Variants in KLHL8 observed in about 807,000 individuals in gnomAD.
KLHL8 encodes kelch like family member 8, also known as kelch-like protein 8.
Under a neutral mutation model 63.5 loss-of-function variants are expected in KLHL8, and 38 were observed. The ratio of observed to expected loss-of-function variants is 0.60; its 90% CI spans 0.46 to 0.78. The LOEUF (loss-of-function observed/expected upper bound fraction) is 0.78. Among genes scored for constraint, KLHL8 ranks in the 30% least tolerant of loss-of-function variants. The pLI is 0.00. For missense variants in KLHL8, 566 were observed against 752.4 expected (o/e 0.75, Z 2.90); for synonymous variants, 224 against 254.3 (o/e 0.88, Z 1.13).
At chr4:87,206,478 TATTAA>T (rs1434359382) in intron 1 of KLHL8, among the ~76,000 whole-genome samples, 3 of 152,186 alleles carry the variant, frequency 2.0e-5, no homozygotes, top group Non-Finnish European at 4.4e-5. Flanking sequence ...AAAAACTACT[TATTAA>T]ACCACTGTGC....
At chr4:87,201,253 A>G (rs1731907398) in intron 1 of KLHL8, among the ~76,000 whole-genome samples, 1 of 152,334 alleles carries the variant, frequency 6.6e-6, no homozygotes, top group Non-Finnish European at 1.5e-5. Flanking sequence ...TTAAGATGGT[A>G]AATTTTATGT....
At chr4:87,194,951 T>C (rs893461797) in intron 2 of KLHL8, among the ~76,000 whole-genome samples, 6 of 152,202 alleles carry the variant, frequency 3.9e-5, no homozygotes, top group African/African-American at 1.4e-4. Flanking sequence ...ACTTCTAACT[T>C]ACTTCTGTAT....
intron 6 of KLHL8, among the ~76,000 whole-genome samples, chr4:87,171,000 T>C (rs1730613429): frequency 6.6e-6 from 1 of 152,220 alleles, no homozygotes; most frequent in Non-Finnish European, 1.5e-5. Context: ...CCAATCTCAC[T>C]TACAAATCCA....
rs146928184 is a variant in KLHL8, at chr4:87,187,155, T to C, written c.217-1356A>G. On this transcript the variant is annotated intron_variant, in intron 2 of 9. Coordinates refer to ENST00000273963, the MANE Select transcript of KLHL8 (RefSeq NM_020803.5). The stretch of plus-strand genomic sequence containing the variant: ...AGAGATGCTGCTTCAAAGGATACAA[T>C]GTGAATATGTGAATACATAATGTCA... Among the ~76,000 whole-genome samples, 401 of 152,280 alleles carry C rather than the reference T, an allele frequency of 2.6e-3. 2 individuals carry two copies. Among genetic ancestry groups the C allele is most frequent in the African/African-American group, 9.3e-3 (385 of 41,558 alleles).
In KLHL8 at chr4:87,163,360, G is replaced by A. The variant is rs1730249780; in HGVS notation, c.*159C>T. ...TAACTCTATTACTAATAATTCTTCA[G>A]GTATCATTCCAAAAGTTGTACTTAG... On this transcript the variant is annotated 3_prime_UTR_variant, in exon 10 of 10. Transcript: ENST00000273963. 1.7e-6 allele frequency: 1 copy of A among 595,430 alleles called. No homozygotes were observed. Among genetic ancestry groups the A allele is most frequent in the African/African-American group, 1.9e-5 (1 of 53,066 alleles). The allele number at this position is 595,430 out of a possible 1,614,324, so 36.9% of individuals were successfully genotyped here. A position where few individuals can be genotyped will look rare whatever the true frequency, so the allele number is the denominator to read the frequency against.
intron 1 of KLHL8, among the ~76,000 whole-genome samples, chr4:87,205,856 T>C (rs747867559): frequency 3.9e-5 from 6 of 152,194 alleles, no homozygotes; most frequent in African/African-American, 4.8e-5. Context: ...CCCAAGTAAG[T>C]GGTGGAGCCA....
rs367698400 is a variant in KLHL8 at position 87,164,104 on chromosome 4, C to T, written c.1538-25G>A. ...CCTATGTAAAGAAATATTTTAAAAA[C>T]AGCATTACATTCCTTAGAAATTAAC... is the stretch of plus-strand genomic sequence containing the variant. On this transcript the variant is annotated intron_variant, in intron 8 of 9. Transcript: ENST00000273963. 6 of 1,567,196 alleles carry T rather than the reference C, an allele frequency of 3.8e-6. No individual in the cohort carries two copies. In the African/African-American group the frequency reaches 6.8e-5, roughly 18 times the overall value.
intron 4 of KLHL8, among the ~76,000 whole-genome samples, chr4:87,182,335 G>A (rs552799438): frequency 1.1e-4 from 16 of 151,818 alleles, no homozygotes; most frequent in African/African-American, 3.9e-4. Flanking sequence ...CTTCTTCATA[G>A]GTAGGTGTAT....
intron 8 of KLHL8, among the ~76,000 whole-genome samples, chr4:87,168,761 T>TGTATATATATGTGTATATATATAC (rs1331088009): frequency 3.0e-4 from 43 of 143,334 alleles, no homozygotes; most frequent in South Asian, 2.2e-3. Context: ...TATATGTGTG[T>TGTATATATATGTGTATATATATAC]GTATATATAT....
intron 2 of KLHL8, among the ~76,000 whole-genome samples, chr4:87,193,703 TTTG>T (rs1424931540): frequency 2.0e-5 from 3 of 152,188 alleles, no homozygotes; most frequent in African/African-American, 7.2e-5. Context: ...ATGAGGTAAG[TTTG>T]TTTACACCAG....
intron 8 of KLHL8, 38 bp downstream of exon 8, chr4:87,170,041 T>C (rs751987906): frequency 6.6e-7 from 1 of 1,520,046 alleles, no homozygotes; most frequent in South Asian, 1.1e-5. Flanking sequence ...CTTGTCATTG[T>C]ATATACTGAT....
rs1384347559 is a variant in KLHL8 at position 87,163,979 on chromosome 4, T to A, written c.1638A>T (p.Gly546=). The change falls in exon 9 of 10, where the codon GGA becomes GGT. Residue 546 remains glycine (G), a synonymous_variant. Coordinates refer to ENST00000273963, the MANE Select transcript of KLHL8 (RefSeq NM_020803.5). ...YVAALTTPRG[G]VGIATVMGKI... The stretch of plus-strand genomic sequence containing the variant: ...TGCCCATCACTGTTGCGATTCCCAC[T>A]CCACCTCTGGGAGTAGTAAGTGCTG... 8.1e-6 allele frequency: 13 copies of A among 1,614,032 alleles called. No individual in the cohort carries two copies. The highest frequency in any genetic ancestry group is 1.1e-5 in the Non-Finnish European group (13 of 1,180,002).
intron 6 of KLHL8, among the ~76,000 whole-genome samples, chr4:87,175,273 G>A (rs1415723410): frequency 4.6e-5 from 7 of 152,086 alleles, no homozygotes; most frequent in African/African-American, 1.7e-4. Flanking sequence ...CTATAGATAC[G>A]GAGAGATCAG....
At position 87,165,420 on chromosome 4, in the gene KLHL8, G is replaced by C. The variant is rs150977360; in HGVS notation, c.1538-1341C>G. Among the ~76,000 whole-genome samples the C allele has an allele frequency of 4.6e-5, 7 of 152,128 alleles. 1 individual carries two copies. Among genetic ancestry groups the C allele is most frequent in the African/African-American group, 1.7e-4 (7 of 41,500 alleles). ...TTTTGTTTTGTTTTGTTTTGAGACA[G>C]GGTCTGACTGTTGCCCAGACTGAAG... On this transcript the variant is annotated intron_variant, in intron 8 of 9. Transcript: ENST00000273963.
At chr4:87,236,663 CTTTTTTTTTTT>C (rs34454982) in intron 1 of KLHL8, among the ~76,000 whole-genome samples, 9 of 110,422 alleles carry the variant, frequency 8.2e-5, no homozygotes, top group African/African-American at 2.9e-4. Flanking sequence ...TGTACTGTGT[CTTTTTTTTTTT>C]TTTTTTTTTA....
rs775269491 is a variant in KLHL8 at position 87,183,385 on chromosome 4, C to T, written c.770G>A (p.Arg257His). Reference protein sequence around the residue: ...KWLDETLAQVRLPLLPVDFLM... With the variant: ...KWLDETLAQVHLPLLPVDFLM... ...AAAATCAACCGGCAACAATGGCAGG[C>T]GAACCTAAGATCATGAATAGTTGCA... The change falls in exon 4 of 10, where the codon CGC becomes CAC. Residue 257 changes from arginine to histidine, a missense_variant. By Grantham distance (29) the Arg-to-His change is conservative. Coordinates refer to ENST00000273963, the MANE Select transcript of KLHL8 (RefSeq NM_020803.5). 4.4e-6 allele frequency: 7 copies of T among 1,599,188 alleles called. No homozygotes were observed. The East Asian group carries it at 6.7e-5, about 15-fold the overall frequency.
At chr4:87,182,011 G>A (rs564088273) in intron 4 of KLHL8, among the ~76,000 whole-genome samples, 6 of 152,016 alleles carry the variant, frequency 3.9e-5, no homozygotes, top group East Asian at 1.9e-4. Flanking sequence ...GGCAGATCAC[G>A]AGGTCAGGAG....
In KLHL8 at chr4:87,164,335, T is replaced by C. The variant is rs780881989; in HGVS notation, c.1538-256A>G. The stretch of plus-strand genomic sequence containing the variant: ...AAAGATCTTGTAAGTAGGAAAAAAA[T>C]GGAGTCCCTGTATCTAAGCAGATAA... On this transcript the variant is annotated intron_variant, in intron 8 of 9. Transcript: ENST00000273963. 4.6e-5 allele frequency among the ~76,000 whole-genome samples: 7 copies of C among 151,690 alleles called. No homozygotes were observed. In the East Asian group the frequency reaches 1.4e-3, roughly 29 times the overall value.
intron 1 of KLHL8, among the ~76,000 whole-genome samples, chr4:87,234,357 T>C (rs1015134814): frequency 3.3e-5 from 5 of 151,536 alleles, no homozygotes; most frequent in Non-Finnish European, 5.9e-5. Context: ...GAGAATTGCT[T>C]GAACCTGGGA....
Sources: gnomAD v4.1 joint callset for allele counts (sites outside exome capture counted in the v4.1 genomes callset) on GRCh38, gnomAD v4.1.1 for gene constraint, MANE v1.5 for transcripts, NCBI Gene and HGNC (gene_info 2026-07-23, HGNC 2026-07-21) for gene names.